Variants in CCDC178 observed in about 807,000 individuals in gnomAD.
CCDC178 encodes the protein coiled-coil domain-containing protein 178.
Under a neutral mutation model 117.4 loss-of-function variants are expected in CCDC178, and 126 were observed. The ratio of observed to expected loss-of-function variants is 1.07; its 90% CI spans 0.93 to 1.24. The LOEUF is 1.24. CCDC178 is among the 50% of genes most tolerant of loss of function. The probability of loss-of-function intolerance (pLI) is 0.00; values close to 1 mark genes in which losing one functional copy is unlikely to be tolerated. For missense variants in CCDC178, 1,030 were observed against 986.9 expected (o/e 1.04, Z -0.59); for synonymous variants, 283 against 313.4 (o/e 0.90, Z 1.02).
At chr18:33,077,178 G>A (rs755900922) in intron 21 of CCDC178, among the ~76,000 whole-genome samples, 1 of 152,120 alleles carries the variant, frequency 6.6e-6, no homozygotes. Context: ...CCCTGTATAT[G>A]GATAATGAGT....
At chr18:33,344,502 TTTA>T (rs1238422277) in intron 9 of CCDC178, among the ~76,000 whole-genome samples, 3 of 152,100 alleles carry the variant, frequency 2.0e-5, no homozygotes, top group Non-Finnish European at 2.9e-5. Context: ...TCAAAACGTA[TTTA>T]TTAAGTACCT....
chr18:33,351,184 A>G (rs62090560), intron 7 of CCDC178, among the ~76,000 whole-genome samples: 49,636 of 119,136 alleles, frequency 0.42, 10,091 homozygotes, highest in African/African-American at 0.61. Context: ...GTGTGTGTGT[A>G]TAGTTTTTGT....
chr18:33,182,971 C>T (rs1827158849), intron 20 of CCDC178, among the ~76,000 whole-genome samples: 1 of 151,870 alleles, frequency 6.6e-6, no homozygotes, highest in East Asian at 1.9e-4. Context: ...TACATCACAC[C>T]AATACTTGTT....
intron 21 of CCDC178, among the ~76,000 whole-genome samples, chr18:33,047,135 A>G (rs9962070): frequency 0.14 from 21,619 of 152,208 alleles, 2,378 homozygotes; most frequent in African/African-American, 0.31. Context: ...ACTTTAAAAA[A>G]TTCAACTGAA....
intron 20 of CCDC178, among the ~76,000 whole-genome samples, chr18:33,200,956 T>C (rs920093173): frequency 2.6e-5 from 4 of 152,226 alleles, no homozygotes; most frequent in African/African-American, 9.7e-5. Flanking sequence ...AAAATCAATA[T>C]AGTTTATCTT....
chr18:33,078,303 T>C (rs2145023104), intron 21 of CCDC178, among the ~76,000 whole-genome samples: 2 of 152,320 alleles, frequency 1.3e-5, no homozygotes, highest in East Asian at 3.9e-4. Flanking sequence ...GAGCCATCAA[T>C]GACAAACCCA....
At chr18:33,341,053 T>A (rs1176165364) in intron 9 of CCDC178, among the ~76,000 whole-genome samples, 1 of 152,044 alleles carries the variant, frequency 6.6e-6, no homozygotes, top group Non-Finnish European at 1.5e-5. Context: ...ATGAAAGCAG[T>A]CATGAGGGAG....
At chr18:33,066,327 C>CG (rs2057015985) in intron 21 of CCDC178, among the ~76,000 whole-genome samples, 1 of 151,854 alleles carries the variant, frequency 6.6e-6, no homozygotes, top group Non-Finnish European at 1.5e-5. Context: ...ATAAAACTCA[C>CG]TACCACAGTA....
intron 21 of CCDC178, among the ~76,000 whole-genome samples, chr18:33,006,186 G>C (rs111744231): frequency 6.6e-6 from 1 of 152,072 alleles, no homozygotes; most frequent in African/African-American, 2.4e-5. Context: ...ACTTATTTAA[G>C]ATTGAATTTG....
intron 21 of CCDC178, among the ~76,000 whole-genome samples, chr18:32,993,003 TA>T (rs1200138419): frequency 2.6e-5 from 4 of 151,946 alleles, no homozygotes; most frequent in Admixed American, 1.3e-4. Flanking sequence ...CCGTCTCTGC[TA>T]AAAATACAAA....
At chr18:33,234,193 C>T (rs4432316) in intron 15 of CCDC178, among the ~76,000 whole-genome samples, 24,436 of 151,916 alleles carry the variant, frequency 0.16, 2,734 homozygotes, top group African/African-American at 0.32. Flanking sequence ...GATGCTTGAC[C>T]AAGGGGTTAC....
chr18:32,952,859 C>T (rs925769922), intron 22 of CCDC178, among the ~76,000 whole-genome samples: 6 of 151,110 alleles, frequency 4.0e-5, no homozygotes, highest in Non-Finnish European at 7.4e-5. Flanking sequence ...CTGCAAGCTC[C>T]GCCTCCTGGG....
Position 33,037,913 on chromosome 18 carries a change from T to C in CCDC178, c.2388+54848A>G, listed in dbSNP as rs73415476. Among the ~76,000 whole-genome samples, 1,326 of 152,088 alleles carry C rather than the reference T, an allele frequency of 8.7e-3. 17 individuals carry two copies. The highest frequency in any genetic ancestry group is 0.03 in the African/African-American group (1,243 of 41,536). Reference sequence around the variant, plus strand: ...CATTATTGCCATAATAGAAATTCTTTCTACTGCAATCAATCTATAAATACT... The same window carrying C: ...CATTATTGCCATAATAGAAATTCTTCCTACTGCAATCAATCTATAAATACT... On this transcript the variant is annotated intron_variant, in intron 21 of 22. Transcript: ENST00000383096.
At chr18:33,306,579 G>T (rs2062257153) in intron 11 of CCDC178, among the ~76,000 whole-genome samples, 1 of 143,202 alleles carries the variant, frequency 7.0e-6, no homozygotes, top group South Asian at 2.2e-4. Flanking sequence ...ATAATATATG[G>T]TTATATATAT....
chr18:33,278,319 A>C (rs59265115), intron 12 of CCDC178, among the ~76,000 whole-genome samples: 10,044 of 146,866 alleles, frequency 0.068, 551 homozygotes, highest in African/African-American at 0.14. Context: ...ATATATATTT[A>C]CTTCATGAGA....
chr18:33,072,947 G>T (rs905367840), intron 21 of CCDC178, among the ~76,000 whole-genome samples: 14 of 152,186 alleles, frequency 9.2e-5, no homozygotes, highest in African/African-American at 3.4e-4. Context: ...ATGAATTATA[G>T]TATAAAGTAT....
intron 20 of CCDC178, among the ~76,000 whole-genome samples, chr18:33,165,622 G>A (rs1025492609): frequency 1.3e-5 from 2 of 151,958 alleles, no homozygotes; most frequent in African/African-American, 4.8e-5. Flanking sequence ...GAAGTGACAG[G>A]CCCATTTTGT....
At chr18:33,024,046 T>A (rs909361181) in intron 21 of CCDC178, among the ~76,000 whole-genome samples, 5 of 152,146 alleles carry the variant, frequency 3.3e-5, no homozygotes, top group African/African-American at 1.2e-4. Context: ...TCACACAATA[T>A]GAAACAGGTC....
chr18:33,108,721 T>C (rs926261571), intron 20 of CCDC178, among the ~76,000 whole-genome samples: 4 of 151,724 alleles, frequency 2.6e-5, no homozygotes, highest in African/African-American at 9.7e-5. Flanking sequence ...CCTATTCTGT[T>C]AGGTACAAAA....
Sources: allele counts gnomAD v4.1 joint callset (sites outside exome capture counted in the v4.1 genomes callset), GRCh38; gene constraint gnomAD v4.1.1; transcripts MANE v1.5; gene names NCBI Gene and HGNC (gene_info 2026-07-23, HGNC 2026-07-21).